Variants in ACACA observed in about 807,000 individuals in gnomAD.
The protein encoded by ACACA is acetyl-CoA carboxylase 1.
In ACACA, 103 loss-of-function variants were observed where a neutral mutation model predicts 296.1. That is an observed-to-expected ratio of 0.35 (90% CI 0.30 to 0.41). The LOEUF (loss-of-function observed/expected upper bound fraction) is 0.41. Ranked by LOEUF, ACACA falls within the 10% of genes least tolerant of loss-of-function variation. ACACA has a pLI of 1.00. For synonymous variants in ACACA, 953 were observed against 1,038.6 expected (o/e 0.92, Z 1.58); for missense variants, 1,554 against 2,989.7 (o/e 0.52, Z 11.20).
intron 1 of ACACA, among the ~76,000 whole-genome samples, chr17:37,404,334 ACTAT>A (rs2051391457): frequency 6.6e-6 from 1 of 152,160 alleles, no homozygotes; most frequent in Non-Finnish European, 1.5e-5. Context: ...ATGTTAATCA[ACTAT>A]CTGTTGAACA....
intron 11 of ACACA, 99 bp from the exon 12 acceptor site, chr17:37,259,629 G>T: frequency 7.6e-7 from 1 of 1,319,388 alleles, no homozygotes; most frequent in Non-Finnish European, 1.1e-6. Context: ...GTGTATAAGA[G>T]CCATCAAAAG....
chr17:37,101,599 C>T (rs940819431), intron 52 of ACACA, among the ~76,000 whole-genome samples: 9 of 152,152 alleles, frequency 5.9e-5, no homozygotes, highest in Non-Finnish European at 1.0e-4. Context: ...TGTCTCTTCT[C>T]GCTTACTTGG....
intron 41 of ACACA, among the ~76,000 whole-genome samples, chr17:37,174,524 TTTTTTC>T (rs941605943): frequency 6.6e-5 from 10 of 152,146 alleles, no homozygotes; most frequent in African/African-American, 2.2e-4. Flanking sequence ...CATTCAATTT[TTTTTTC>T]TTTTTCTTTT....
intron 1 of ACACA, chr17:37,376,009 G>A (rs2049985452): frequency 8.2e-7 from 1 of 1,220,048 alleles, no homozygotes; most frequent in Middle Eastern, 2.0e-4. Context: ...GCTGCGTGTG[G>A]TGAAAGCAAC....
At chr17:37,368,525 G>A (rs1597721866) in intron 1 of ACACA, among the ~76,000 whole-genome samples, 1 of 152,052 alleles carries the variant, frequency 6.6e-6, no homozygotes, top group Non-Finnish European at 1.5e-5. Flanking sequence ...TGGTTGCAGT[G>A]AGCCAAAATT....
At chr17:37,111,760 C>T (rs1217559733) in intron 51 of ACACA, 117 bp from the exon 52 acceptor site, 4 of 793,992 alleles carry the variant, frequency 5.0e-6, no homozygotes, top group East Asian at 5.2e-5. Flanking sequence ...TATCATTTTG[C>T]CCACCTATGG....
At chr17:37,391,124 G>T (rs1245115891) in intron 1 of ACACA, among the ~76,000 whole-genome samples, 1 of 152,132 alleles carries the variant, frequency 6.6e-6, no homozygotes, top group African/African-American at 2.4e-5. Flanking sequence ...AGTAATCCCA[G>T]CTACTCAGGA....
intron 42 of ACACA, among the ~76,000 whole-genome samples, chr17:37,160,769 T>C (rs1342305490): frequency 6.6e-6 from 1 of 152,094 alleles, no homozygotes; most frequent in Non-Finnish European, 1.5e-5. Context: ...AGGACTGACC[T>C]TGGAGTTTAA....
chr17:37,283,228 A>G (rs749817996), intron 5 of ACACA, 39 bp downstream of exon 5: 6 of 1,613,246 alleles, frequency 3.7e-6, no homozygotes, highest in Non-Finnish European at 5.1e-6. Flanking sequence ...TCCATGTTTT[A>G]GTTTTGAGAG....
intron 3 of ACACA, among the ~76,000 whole-genome samples, chr17:37,325,383 T>C (rs1598493168): frequency 6.8e-6 from 1 of 147,842 alleles, no homozygotes; most frequent in East Asian, 2.0e-4. Context: ...AAAAAAAAAG[T>C]CCACATTCAG....
At chr17:37,276,749 G>C (rs1368146809) in intron 7 of ACACA, among the ~76,000 whole-genome samples, 1 of 152,180 alleles carries the variant, frequency 6.6e-6, no homozygotes, top group East Asian at 1.9e-4. Context: ...AAGGTTAGCT[G>C]CAAAGTTTTA....
chr17:37,169,298 T>C (rs2076799040), intron 41 of ACACA, among the ~76,000 whole-genome samples: 1 of 152,350 alleles, frequency 6.6e-6, no homozygotes, highest in Admixed American at 6.5e-5. Context: ...AATTATTCTC[T>C]ACCCAACTCA....
intron 2 of ACACA, among the ~76,000 whole-genome samples, chr17:37,331,900 T>TA (rs75014763): frequency 0.03 from 4,251 of 143,408 alleles, 129 homozygotes; most frequent in East Asian, 0.15. Flanking sequence ...AATTTTTAAT[T>TA]AAAAAAAAAA....
At chr17:37,107,997 G>A (rs1451443849) in intron 52 of ACACA, among the ~76,000 whole-genome samples, 4 of 152,148 alleles carry the variant, frequency 2.6e-5, no homozygotes, top group South Asian at 4.1e-4. Flanking sequence ...GGAGGGCTGC[G>A]GCTCCATTTC....
rs576334222 is a variant in ACACA at position 37,388,189 on chromosome 17, T to C, written c.38+18073A>G. On this transcript the variant is annotated intron_variant, in intron 1 of 55. Transcript: ENST00000616317. ...TGCATATTAGCCATTTGCCGCCAGA[T>C]TGAGCTTCTGACCCAGAAGCAGTGC... Among the ~76,000 whole-genome samples the C allele has an allele frequency of 4.0e-3, 613 of 152,134 alleles. 5 individuals carry two copies. Among genetic ancestry groups the C allele is most frequent in the African/African-American group, 0.014 (579 of 41,526 alleles).
At chr17:37,122,467 T>G (rs1217348082) in intron 49 of ACACA, 64 bp downstream of exon 49, 2 of 1,279,612 alleles carry the variant, frequency 1.6e-6, no homozygotes, top group Non-Finnish European at 2.3e-6. Flanking sequence ...CCTGATGTAT[T>G]CACAGGCACT....
At chr17:37,114,836 T>G (rs1466118170) in intron 50 of ACACA, among the ~76,000 whole-genome samples, 1 of 152,262 alleles carries the variant, frequency 6.6e-6, no homozygotes, top group East Asian at 1.9e-4. Flanking sequence ...GATCTCAATT[T>G]GGAATAAATC....
chr17:37,364,611 AGAAAAG>A (rs2049541691), intron 1 of ACACA, among the ~76,000 whole-genome samples: 1 of 91,192 alleles, frequency 1.1e-5, no homozygotes, highest in African/African-American at 5.8e-5. Context: ...AAAAAGAAAA[AGAAAAG>A]AAAATAGAAC....
chr17:37,231,486 T>C (rs1020692346), intron 25 of ACACA, among the ~76,000 whole-genome samples: 4 of 152,222 alleles, frequency 2.6e-5, no homozygotes, highest in African/African-American at 9.7e-5. Context: ...ATATCACCCT[T>C]ATTCAGTGAA....
Sources: gnomAD v4.1 joint callset for allele counts (sites outside exome capture counted in the v4.1 genomes callset) on GRCh38, gnomAD v4.1.1 for gene constraint, MANE v1.5 for transcripts, NCBI Gene and HGNC (gene_info 2026-07-23, HGNC 2026-07-21) for gene names.